FRMD3: variants seen among roughly 807,000 people sequenced by gnomAD.
FRMD3 encodes the protein FERM domain containing 3, also known as FERM domain-containing protein 3.
Under a neutral mutation model 70.2 loss-of-function variants are expected in FRMD3, and 33 were observed. The ratio of observed to expected loss-of-function variants is 0.47; its 90% CI spans 0.36 to 0.63. The LOEUF (loss-of-function observed/expected upper bound fraction) is 0.63. FRMD3 is among the 20% of genes least tolerant of loss of function. The pLI, the probability that FRMD3 is intolerant of heterozygous loss-of-function variation, is 0.00. For missense variants in FRMD3, 632 were observed against 711.4 expected (o/e 0.89, Z 1.27); for synonymous variants, 279 against 255.9 (o/e 1.09, Z -0.86).
At chr9:83,450,627 G>C (rs1827626870) in intron 1 of FRMD3, among the ~76,000 whole-genome samples, 2 of 152,060 alleles carry the variant, frequency 1.3e-5, no homozygotes, top group Non-Finnish European at 2.9e-5. Context: ...TGGCAGCCTG[G>C]AACAAAGACC....
chr9:83,503,473 A>T (rs899131055), intron 1 of FRMD3, among the ~76,000 whole-genome samples: 1 of 152,188 alleles, frequency 6.6e-6, no homozygotes, highest in East Asian at 1.9e-4. Flanking sequence ...TTCTACCACC[A>T]ACCTGAACAA....
At chr9:83,301,455 A>C (rs944433596) in intron 10 of FRMD3, among the ~76,000 whole-genome samples, 13 of 150,688 alleles carry the variant, frequency 8.6e-5, no homozygotes, top group Non-Finnish European at 1.6e-4. Flanking sequence ...AGAAGCTTCT[A>C]TTTTTTATTG....
intron 1 of FRMD3, among the ~76,000 whole-genome samples, chr9:83,449,148 A>G (rs1171166651): frequency 6.6e-6 from 1 of 152,306 alleles, no homozygotes; most frequent in Admixed American, 6.5e-5. Context: ...CAACAAAGGA[A>G]GGCAAGAGAG....
upstream of FRMD3, among the ~76,000 whole-genome samples, chr9:83,539,337 C>T (rs918543377): frequency 1.3e-5 from 2 of 152,182 alleles, no homozygotes; most frequent in South Asian, 2.1e-4. Context: ...TGTCAGGTAC[C>T]GTAGGCCCGA....
chr9:83,357,233 T>C (rs1236609118), intron 3 of FRMD3, among the ~76,000 whole-genome samples: 1 of 14,992 alleles, frequency 6.7e-5, no homozygotes, highest in African/African-American at 3.9e-4. Context: ...ATTTTATATA[T>C]ATATAATACA....
intron 12 of FRMD3, chr9:83,297,839 T>A (rs1047272586): frequency 2.1e-6 from 1 of 471,574 alleles, no homozygotes; most frequent in Non-Finnish European, 4.4e-6. Flanking sequence ...TCATGCCAAC[T>A]GCACTTCTGC....
chr9:83,404,062 A>G (rs1826029080), intron 1 of FRMD3, among the ~76,000 whole-genome samples: 3 of 108,364 alleles, frequency 2.8e-5, no homozygotes. Context: ...ATTCCTGCAT[A>G]CACACGCACA....
Position 83,515,789 on chromosome 9 carries a change from G to A in FRMD3, c.147+22296C>T, listed in dbSNP as rs140649284. On this transcript the variant is annotated intron_variant, in intron 1 of 13. Transcript: ENST00000304195. ...GGATTTCTTGGCAGAAACCCCACAA[G>A]CCAGAAGAGAGTGGGGGCCAATATT... is the stretch of plus-strand genomic sequence containing the variant. 8.2e-3 allele frequency among the ~76,000 whole-genome samples: 1,252 copies of A among 152,332 alleles called. 22 individuals are homozygous for A. Among genetic ancestry groups the A allele is most frequent in the African/African-American group, 0.029 (1,202 of 41,572 alleles).
chr9:83,445,379 T>TAGATAGATAGACAGAC (rs1554706371), intron 1 of FRMD3, among the ~76,000 whole-genome samples: 10 of 150,860 alleles, frequency 6.6e-5, no homozygotes, highest in African/African-American at 2.0e-4. Flanking sequence ...GATAGATAGA[T>TAGATAGATAGACAGAC]AGACAGATAG....
At chr9:83,377,072 G>C (rs2131267234) in intron 2 of FRMD3, among the ~76,000 whole-genome samples, 1 of 152,248 alleles carries the variant, frequency 6.6e-6, no homozygotes, top group East Asian at 1.9e-4. Context: ...ACTCTTATTA[G>C]ATGAAACTGT....
chr9:83,325,313 T>A (rs570896702), intron 6 of FRMD3, among the ~76,000 whole-genome samples: 1 of 152,220 alleles, frequency 6.6e-6, no homozygotes, highest in Non-Finnish European at 1.5e-5. Flanking sequence ...AATCTATTTT[T>A]AAATTTATTT....
At chr9:83,457,183 T>C (rs1271473386) in intron 1 of FRMD3, among the ~76,000 whole-genome samples, 2 of 152,196 alleles carry the variant, frequency 1.3e-5, no homozygotes, top group African/African-American at 4.8e-5. Flanking sequence ...ATTCAGATTG[T>C]TGACACGCAT....
At chr9:83,552,354 G>C in the FRMD3 span, among the ~76,000 whole-genome samples, 2 of 151,898 alleles carry the variant, frequency 1.3e-5, no homozygotes, top group African/African-American at 4.8e-5. Context: ...GTATAATTTT[G>C]GTCCTTTTAC....
At chr9:83,546,348 C>G in the FRMD3 span, among the ~76,000 whole-genome samples, 1 of 152,014 alleles carries the variant, frequency 6.6e-6, no homozygotes, top group African/African-American at 2.4e-5. Flanking sequence ...CAGAGCAAGA[C>G]TGCGTCTCAA....
intron 13 of FRMD3, among the ~76,000 whole-genome samples, chr9:83,273,393 G>A (rs367655039): frequency 2.7e-5 from 4 of 150,678 alleles, no homozygotes; most frequent in African/African-American, 9.8e-5. Context: ...GATTAAGGGC[G>A]GTGCAAGATG....
chr9:83,345,117 A>T (rs7864815), intron 4 of FRMD3, among the ~76,000 whole-genome samples: 5,827 of 152,250 alleles, frequency 0.038, 368 homozygotes, highest in African/African-American at 0.13. Flanking sequence ...TCAGTGGCTC[A>T]CTGATGTTTT....
intron 6 of FRMD3, among the ~76,000 whole-genome samples, chr9:83,317,256 A>G (rs946082563): frequency 6.6e-6 from 1 of 151,036 alleles, no homozygotes; most frequent in African/African-American, 2.4e-5. Flanking sequence ...CACCTTCCCA[A>G]CTAGGGACAA....
chr9:83,309,614 A>G lies in FRMD3; in HGVS notation c.848T>C (p.Met283Thr). 3 of 1,582,452 alleles carry G rather than the reference A, an allele frequency of 1.9e-6. No individual in the cohort carries two copies. The highest frequency in any genetic ancestry group is 1.2e-5 in the South Asian group (1 of 83,674). The change falls in exon 10 of 14, where the codon ATG becomes ACG. Residue 283 changes from methionine to threonine, a missense_variant. Transcript: ENST00000304195. ...TGGTGTTGAAGTATGGAATGCCAAC[A>G]TGGCTTTTTTCTAATTAAAAAATAA... ...VIGTQKEKKA[M>T]LAFHTSTPAA... is the part of the protein sequence containing the mutation.
the FRMD3 span, among the ~76,000 whole-genome samples, chr9:83,580,577 G>A: frequency 6.6e-6 from 1 of 152,088 alleles, no homozygotes; most frequent in Non-Finnish European, 1.5e-5. Context: ...ATTCATAGCA[G>A]TAGAAAGCAG....
Sources: gnomAD v4.1 joint callset for allele counts (sites outside exome capture counted in the v4.1 genomes callset) on GRCh38, gnomAD v4.1.1 for gene constraint, MANE v1.5 for transcripts, NCBI Gene and HGNC (gene_info 2026-07-23, HGNC 2026-07-21) for gene names.